Variants in PTPN9 observed in about 807,000 individuals in gnomAD.
The protein encoded by PTPN9 is tyrosine-protein phosphatase non-receptor type 9.
PTPN9 carries 26 observed loss-of-function variants against 69.8 expected under a neutral mutation model. The observed-to-expected ratio is 0.37, with a 90% confidence interval of 0.27 to 0.52. PTPN9 has a LOEUF of 0.52. PTPN9 is among the 20% of genes least tolerant of loss of function. PTPN9 has a pLI of 0.91. For synonymous variants in PTPN9, 274 were observed against 272.5 expected (o/e 1.01, Z -0.05); for missense variants, 549 against 740.3 (o/e 0.74, Z 3.00).
intron 2 of PTPN9, 88 bp from the exon 3 acceptor site, chr15:75,524,386 G>A: frequency 2.8e-6 from 2 of 707,510 alleles, no homozygotes; most frequent in East Asian, 2.7e-5. Flanking sequence ...TCAGAGATAA[G>A]GTGGTTATCA....
intron 1 of PTPN9, among the ~76,000 whole-genome samples, chr15:75,546,745 T>C (rs554353735): frequency 2.4e-4 from 36 of 151,926 alleles, no homozygotes; most frequent in Non-Finnish European, 4.9e-4. Context: ...GATAAATTCT[T>C]GTGGACAGTT....
chr15:75,531,852 C>A (rs1397187455), intron 1 of PTPN9, among the ~76,000 whole-genome samples: 1 of 151,750 alleles, frequency 6.6e-6, no homozygotes, highest in East Asian at 2.0e-4. Context: ...AGCCACCACC[C>A]CCGGCCGAGA....
intron 4 of PTPN9, among the ~76,000 whole-genome samples, chr15:75,518,689 T>G (rs553975621): frequency 1.7e-4 from 26 of 151,884 alleles, no homozygotes; most frequent in African/African-American, 6.3e-4. Flanking sequence ...TGGTGGCACA[T>G]GCCTGTAATC....
intron 1 of PTPN9, among the ~76,000 whole-genome samples, chr15:75,530,661 A>AT (rs2074954734): frequency 6.0e-5 from 3 of 50,038 alleles, no homozygotes; most frequent in Non-Finnish European, 9.3e-5. Flanking sequence ...ATTATTATAT[A>AT]ATATACTATT....
intron 1 of PTPN9, among the ~76,000 whole-genome samples, chr15:75,559,110 T>C (rs1305897864): frequency 5.3e-5 from 8 of 151,448 alleles, no homozygotes; most frequent in Admixed American, 1.3e-4. Flanking sequence ...CCGCCCATCG[T>C]CTGAGATGTG....
intron 1 of PTPN9, among the ~76,000 whole-genome samples, chr15:75,542,328 T>C (rs931644846): frequency 5.3e-5 from 8 of 152,096 alleles, no homozygotes; most frequent in African/African-American, 1.9e-4. Flanking sequence ...TCAGAAAGGG[T>C]AAGGCCAAAT....
At chr15:75,523,708 C>T (rs1267279298) in intron 3 of PTPN9, among the ~76,000 whole-genome samples, 1 of 152,160 alleles carries the variant, frequency 6.6e-6, no homozygotes, top group Non-Finnish European at 1.5e-5. Context: ...TGACACATTG[C>T]ATATCTCTCC....
intron 8 of PTPN9, among the ~76,000 whole-genome samples, chr15:75,485,375 T>TC (rs2074668578): frequency 6.9e-6 from 1 of 145,206 alleles, no homozygotes; most frequent in African/African-American, 2.6e-5. Flanking sequence ...TTTTTTTTTT[T>TC]TTTTGAGACG....
At chr15:75,503,478 G>A (rs2074787110) in intron 7 of PTPN9, among the ~76,000 whole-genome samples, 3 of 144,002 alleles carry the variant, frequency 2.1e-5, no homozygotes, top group South Asian at 2.2e-4. Flanking sequence ...CCCTCTGCCC[G>A]GCAGCCACCC....
intron 5 of PTPN9, among the ~76,000 whole-genome samples, chr15:75,510,641 CTTT>C (rs201005354): frequency 4.9e-5 from 7 of 142,228 alleles, no homozygotes; most frequent in African/African-American, 1.0e-4. Flanking sequence ...AGAAAAAGTA[CTTT>C]TTTTTTTTTT....
intron 4 of PTPN9, among the ~76,000 whole-genome samples, chr15:75,517,672 A>G (rs2074878010): frequency 6.6e-6 from 1 of 152,198 alleles, no homozygotes; most frequent in East Asian, 1.9e-4. Context: ...ATCATATAAC[A>G]TATTCCGTAC....
chr15:75,555,548 A>G (rs781674609), intron 1 of PTPN9, among the ~76,000 whole-genome samples: 1 of 152,052 alleles, frequency 6.6e-6, no homozygotes, highest in Non-Finnish European at 1.5e-5. Flanking sequence ...TCTGTCACCC[A>G]GGCTGGAGTG....
At position 75,473,718 on chromosome 15, in the gene PTPN9, T is replaced by C. The variant is rs2074580866; in HGVS notation, c.1179A>G (p.Gln393=). ...TGGTCATGACAATCACCAAGACTTTTTGCTCCCATACCATGAGCCAGAAAT... is the reference window on the plus strand; with the variant it reads ...TGGTCATGACAATCACCAAGACTTTCTGCTCCCATACCATGAGCCAGAAAT... ...YRDFWLMVWE[Q]KVLVIVMTTR... The change falls in exon 10 of 13, where the codon CAA becomes CAG. Residue 393 remains glutamine, a synonymous_variant. Transcript: ENST00000618819. The C allele has an allele frequency of 6.3e-7, 1 of 1,587,128 alleles. No individual in the cohort carries two copies. Among genetic ancestry groups the C allele is most frequent in the Non-Finnish European group, 8.7e-7 (1 of 1,155,430 alleles).
rs34799690 is a variant in PTPN9, at chr15:75,496,498, CT to C, written c.969-6198del. On this transcript the variant is annotated intron_variant, in intron 7 of 12. Transcript: ENST00000618819. ...TAAAAGTCACTAAAAGTATTATTAA[CT>C]TTTTTTTTTTTTTTTGAGACAGGGT... Among the ~76,000 whole-genome samples the C allele has an allele frequency of 8.0e-4, 118 of 146,714 alleles. 1 individual carries two copies. Among genetic ancestry groups the C allele is most frequent in the Admixed American group, 1.3e-3 (19 of 14,632 alleles).
intron 7 of PTPN9, among the ~76,000 whole-genome samples, chr15:75,502,081 T>C (rs1329181697): frequency 1.3e-5 from 2 of 151,022 alleles, no homozygotes; most frequent in Non-Finnish European, 2.9e-5. Context: ...CGCTTTAACC[T>C]AGGAATTTGA....
chr15:75,538,109 A>G (rs2074992984), intron 1 of PTPN9, among the ~76,000 whole-genome samples: 1 of 152,126 alleles, frequency 6.6e-6, no homozygotes. Flanking sequence ...GCTTCACAGT[A>G]AAGATAGCTC....
chr15:75,538,393 A>G (rs575950314), intron 1 of PTPN9, among the ~76,000 whole-genome samples: 5 of 152,214 alleles, frequency 3.3e-5, no homozygotes, highest in Admixed American at 3.3e-4. Context: ...TAACAACCTG[A>G]TGCAAAAAGA....
chr15:75,572,716 G>GA (rs1047790832), intron 1 of PTPN9, among the ~76,000 whole-genome samples: 8 of 151,434 alleles, frequency 5.3e-5, no homozygotes, highest in African/African-American at 1.9e-4. Context: ...CAAAAAAAAA[G>GA]AAAAAAAGAA....
chr15:75,541,098 T>TA (rs958331795), intron 1 of PTPN9, among the ~76,000 whole-genome samples: 58 of 149,922 alleles, frequency 3.9e-4, no homozygotes, highest in Non-Finnish European at 7.4e-4. Flanking sequence ...AAATAAAAAA[T>TA]AAAAAAAAAG....
Sources: allele counts gnomAD v4.1 joint callset (sites outside exome capture counted in the v4.1 genomes callset), GRCh38; gene constraint gnomAD v4.1.1; transcripts MANE v1.5; gene names NCBI Gene and HGNC (gene_info 2026-07-23, HGNC 2026-07-21).